CPNE4: variants seen among roughly 807,000 people sequenced by gnomAD.
CPNE4 encodes the protein copine 4, also known as copine-4.
A neutral mutation model predicts 67.9 loss-of-function variants in CPNE4; 25 were observed. The ratio of observed to expected loss-of-function variants is 0.37; its 90% confidence interval spans 0.27 to 0.51. The LOEUF is 0.51. CPNE4 is among the 20% of genes least tolerant of loss of function. CPNE4 has a pLI of 0.93. For missense variants in CPNE4, 464 were observed against 690.8 expected, an observed-to-expected ratio of 0.67 and a Z score of 3.68; for synonymous variants, 242 against 244.9, an observed-to-expected ratio of 0.99 and a Z score of 0.11.
chr3:131,646,409 C>T (rs1394336408), intron 7 of CPNE4, among the ~76,000 whole-genome samples: 1 of 152,102 alleles, frequency 6.6e-6, no homozygotes, highest in African/African-American at 2.4e-5. Context: ...AGTTTTCTCA[C>T]CACAGTGAGG....
intron 1 of CPNE4, among the ~76,000 whole-genome samples, chr3:132,005,087 A>C (rs1390407519): frequency 6.6e-6 from 1 of 151,860 alleles, no homozygotes; most frequent in Non-Finnish European, 1.5e-5. Flanking sequence ...GGTATAAAAC[A>C]GAAACAGCAC....
intron 1 of CPNE4, among the ~76,000 whole-genome samples, chr3:132,014,957 A>G (rs1240306368): frequency 2.0e-5 from 3 of 152,170 alleles, no homozygotes; most frequent in Admixed American, 2.0e-4. Flanking sequence ...TTATTTTTAA[A>G]GCTTTTTAAA....
intron 2 of CPNE4, among the ~76,000 whole-genome samples, chr3:131,744,006 A>G (rs1182089658): frequency 1.3e-5 from 2 of 150,210 alleles, no homozygotes; most frequent in East Asian, 1.9e-4. Flanking sequence ...TTATAATGAA[A>G]ATCAGTAATT....
In CPNE4 at chr3:131,587,547, A is replaced by G. The variant is rs141618109; in HGVS notation, c.717T>C (p.His239=). The part of the protein sequence containing the change: ...IVWDWDSNGK[H]DFIGEFTSTF... ...TCGAGGTGAATTCTCCAATGAAGTC[A>G]TGCTTGCCATTGGAGTCCCAGTCCC... The change falls in exon 8 of 16, where the codon CAT becomes CAC. Residue 239 remains histidine (H), a synonymous_variant. Coordinates refer to ENST00000429747, the MANE Select transcript of CPNE4 (RefSeq NM_130808.3). The G allele has an allele frequency of 3.1e-6, 5 of 1,613,536 alleles. No homozygotes were observed. Among genetic ancestry groups the G allele is most frequent in the Non-Finnish European group, 4.2e-6 (5 of 1,179,620 alleles).
chr3:131,792,450 C>A (rs2083752514), intron 2 of CPNE4, among the ~76,000 whole-genome samples: 1 of 151,200 alleles, frequency 6.6e-6, no homozygotes, highest in Non-Finnish European at 1.5e-5. Flanking sequence ...GAAATCTCAA[C>A]CTATGGCATG....
intron 1 of CPNE4, among the ~76,000 whole-genome samples, chr3:131,952,252 G>A (rs371457929): frequency 6.6e-5 from 10 of 151,112 alleles, no homozygotes; most frequent in South Asian, 2.1e-4. Context: ...CTGCCCGGCC[G>A]CGAACCCGTA....
chr3:131,905,701 T>C (rs553219128), intron 1 of CPNE4, among the ~76,000 whole-genome samples: 4 of 152,296 alleles, frequency 2.6e-5, no homozygotes, highest in Admixed American at 2.6e-4. Context: ...ATTTGCATAG[T>C]AAAATTTTTA....
chr3:131,711,271 G>C (rs1037502601), intron 3 of CPNE4, among the ~76,000 whole-genome samples: 3 of 152,192 alleles, frequency 2.0e-5, no homozygotes, highest in African/African-American at 7.2e-5. Context: ...GCAGCACAGA[G>C]ATGCCTGCTC....
At chr3:131,739,781 C>G (rs771032823) in intron 2 of CPNE4, among the ~76,000 whole-genome samples, 1 of 152,188 alleles carries the variant, frequency 6.6e-6, no homozygotes, top group Non-Finnish European at 1.5e-5. Flanking sequence ...AGGTGAGGAA[C>G]CTGACACTTG....
intron 2 of CPNE4, among the ~76,000 whole-genome samples, chr3:131,756,752 C>T (rs1322682462): frequency 6.6e-6 from 1 of 152,144 alleles, no homozygotes; most frequent in Non-Finnish European, 1.5e-5. Flanking sequence ...TGCTGATATG[C>T]TTTGGCTGCA....
chr3:131,658,565 G>T (rs1194622174), intron 7 of CPNE4, among the ~76,000 whole-genome samples: 3 of 152,034 alleles, frequency 2.0e-5, no homozygotes, highest in Admixed American at 2.0e-4. Context: ...TATTTGTTTT[G>T]TGTGCTCCAC....
At chr3:131,846,800 A>G (rs895855807) in intron 2 of CPNE4, among the ~76,000 whole-genome samples, 4 of 152,192 alleles carry the variant, frequency 2.6e-5, no homozygotes, top group African/African-American at 9.7e-5. Flanking sequence ...CAGGCTGAGC[A>G]TCGAGATTTT....
At chr3:132,001,236 G>A (rs1312014514) in intron 1 of CPNE4, among the ~76,000 whole-genome samples, 3 of 151,896 alleles carry the variant, frequency 2.0e-5, no homozygotes, top group Non-Finnish European at 2.9e-5. Context: ...AGGTCAGCTA[G>A]GTCAACCAAA....
intron 2 of CPNE4, among the ~76,000 whole-genome samples, chr3:131,728,899 C>CAAAAAA (rs34269107): frequency 2.2e-5 from 2 of 89,994 alleles, no homozygotes; most frequent in African/African-American, 9.4e-5. Flanking sequence ...AACAGAGCCT[C>CAAAAAA]AAAAAAAAAA....
chr3:131,897,992 G>C (rs972090121), intron 2 of CPNE4, among the ~76,000 whole-genome samples: 6 of 151,996 alleles, frequency 3.9e-5, no homozygotes, highest in African/African-American at 1.4e-4. Context: ...TATATATAAA[G>C]TGCTTAGGAG....
intron 2 of CPNE4, among the ~76,000 whole-genome samples, chr3:131,870,889 A>C (rs1290916419): frequency 6.6e-6 from 1 of 152,208 alleles, no homozygotes; most frequent in Non-Finnish European, 1.5e-5. Context: ...GAAGAAGAGA[A>C]GGCTGGAAGG....
At chr3:131,883,517 C>T (rs66942745) in intron 2 of CPNE4, among the ~76,000 whole-genome samples, 11,045 of 152,284 alleles carry the variant, frequency 0.073, 411 homozygotes, top group East Asian at 0.1. Flanking sequence ...TCTCTCCACA[C>T]GATCTATCAC....
At chr3:131,952,660 G>C (rs1232425937) in intron 1 of CPNE4, among the ~76,000 whole-genome samples, 1 of 148,456 alleles carries the variant, frequency 6.7e-6, no homozygotes, top group Non-Finnish European at 1.5e-5. Context: ...CCGTCTGGGA[G>C]GTGAGGGGCG....
At chr3:132,037,502 G>A, upstream of CPNE4, 3 of 1,389,332 alleles carry the variant, frequency 2.2e-6, no homozygotes, top group Non-Finnish European at 3.0e-6. Flanking sequence ...TTGCCCGCCA[G>A]CCACAGTCCC....
Sources: gnomAD v4.1 joint callset for allele counts (sites outside exome capture counted in the v4.1 genomes callset) on GRCh38, gnomAD v4.1.1 for gene constraint, MANE v1.5 for transcripts, NCBI Gene and HGNC (gene_info 2026-07-23, HGNC 2026-07-21) for gene names.